SPAST: variants seen among roughly 807,000 people sequenced by gnomAD.
SPAST encodes spastin, also known as spastic paraplegia 4 (autosomal dominant; spastin).
Under a neutral mutation model 76.6 loss-of-function variants are expected in SPAST, and 30 were observed. The observed-to-expected ratio is 0.39, with a 90% CI of 0.29 to 0.53. The LOEUF is 0.53. Among genes scored for constraint, SPAST ranks in the 20% least tolerant of loss-of-function variants. SPAST has a pLI of 0.68. For missense variants in SPAST, 717 were observed against 770.5 expected (o/e 0.93, Z 0.82); for synonymous variants, 305 against 281.0 (o/e 1.09, Z -0.86).
intron 3 of SPAST, among the ~76,000 whole-genome samples, chr2:32,092,085 C>G (rs80352267): frequency 6.6e-6 from 1 of 152,124 alleles, no homozygotes; most frequent in Non-Finnish European, 1.5e-5. Flanking sequence ...TAAACACATA[C>G]ATATACATTT....
At chr2:32,125,029 A>G (rs1679144921) in intron 7 of SPAST, among the ~76,000 whole-genome samples, 1 of 152,126 alleles carries the variant, frequency 6.6e-6, no homozygotes, top group East Asian at 1.9e-4. Flanking sequence ...AATGTAAAAT[A>G]TGGACTTCAG....
chr2:32,127,911 A>T (rs529817442), intron 8 of SPAST: 5 of 155,122 alleles, frequency 3.2e-5, no homozygotes, highest in Non-Finnish European at 7.1e-5. Context: ...AGCTCTTCCT[A>T]TAACCTGTCC....
chr2:32,143,904 A>G (rs971928907), intron 14 of SPAST, among the ~76,000 whole-genome samples: 7 of 152,298 alleles, frequency 4.6e-5, no homozygotes, highest in African/African-American at 1.7e-4. Flanking sequence ...GCACACTAAC[A>G]CAGATATTTT....
intron 7 of SPAST, among the ~76,000 whole-genome samples, chr2:32,117,531 CTTTTTT>C (rs11431890): frequency 7.8e-6 from 1 of 127,574 alleles, no homozygotes; most frequent in Non-Finnish European, 1.6e-5. Context: ...TAGAATAATT[CTTTTTT>C]TTTTTTTTTT....
chr2:32,080,842 T>G (rs997877685), intron 1 of SPAST, among the ~76,000 whole-genome samples: 2 of 132,548 alleles, frequency 1.5e-5, no homozygotes, highest in Admixed American at 8.8e-5. Context: ...TTGCCCAAGC[T>G]GCAGTGCCAT....
At chr2:32,078,366 G>A (rs1677059517) in intron 1 of SPAST, among the ~76,000 whole-genome samples, 1 of 152,164 alleles carries the variant, frequency 6.6e-6, no homozygotes, top group Admixed American at 6.5e-5. Context: ...TAGAGATGGA[G>A]TTTCTGGCCA....
At chr2:32,144,648 G>T (rs768408174) in intron 14 of SPAST, among the ~76,000 whole-genome samples, 8 of 152,208 alleles carry the variant, frequency 5.3e-5, no homozygotes, top group Non-Finnish European at 1.0e-4. Context: ...TACTTTGGGA[G>T]GCTGTGGCGG....
Position 32,111,263 on chromosome 2 carries a change from CGT to C in SPAST, c.683-3374_683-3373del, listed in dbSNP as rs1558320685. 9.7e-4 allele frequency among the ~76,000 whole-genome samples: 57 copies of C among 58,942 alleles called. 8 individuals carry two copies. The highest frequency in any genetic ancestry group is 5.2e-3 in the East Asian group (6 of 1,156). 38.7% of individuals were successfully genotyped at this position (58,942 alleles called of 152,430 possible). On this transcript the variant is annotated intron_variant, in intron 4 of 16. Coordinates refer to ENST00000315285, the MANE Select transcript of SPAST (RefSeq NM_014946.4). ...ACAGTATACTATATAGTGTGTATAG[CGT>C]ATATATACAGTATACTATATAGTGT...
chr2:32,142,776 C>T (rs1679761604), intron 13 of SPAST, among the ~76,000 whole-genome samples: 1 of 152,056 alleles, frequency 6.6e-6, no homozygotes, highest in African/African-American at 2.4e-5. Context: ...TAACTGCAAA[C>T]AGGTATGAGT....
chr2:32,144,326 T>A (rs1679816638), intron 14 of SPAST, among the ~76,000 whole-genome samples: 3 of 152,236 alleles, frequency 2.0e-5, no homozygotes, highest in Admixed American at 2.0e-4. Context: ...ATTGTGTTTA[T>A]GTGTCAGTTG....
chr2:32,081,203 C>T (rs972590805), intron 1 of SPAST, among the ~76,000 whole-genome samples: 9 of 151,958 alleles, frequency 5.9e-5, no homozygotes, highest in Admixed American at 2.6e-4. Context: ...ATGATCCACC[C>T]GCCTCAGCCT....
chr2:32,075,480 C>CAAA (rs70938316), intron 1 of SPAST, among the ~76,000 whole-genome samples: 3 of 96,606 alleles, frequency 3.1e-5, no homozygotes, highest in Non-Finnish European at 5.9e-5. Context: ...ATTGTGATGA[C>CAAA]AAAAAAAAAA....
At chr2:32,113,658 T>G (rs753635126) in intron 4 of SPAST, among the ~76,000 whole-genome samples, 1 of 147,300 alleles carries the variant, frequency 6.8e-6, no homozygotes, top group Non-Finnish European at 1.5e-5. Flanking sequence ...CTCCGCCTCC[T>G]GAGTTCAAGT....
chr2:32,112,424 C>T (rs955563985), intron 4 of SPAST, among the ~76,000 whole-genome samples: 7 of 148,406 alleles, frequency 4.7e-5, no homozygotes, highest in South Asian at 4.3e-4. Flanking sequence ...CTTGGCTCAC[C>T]GCAATCTCTG....
chr2:32,068,543 C>G (rs544105516), intron 1 of SPAST, among the ~76,000 whole-genome samples: 1 of 151,968 alleles, frequency 6.6e-6, no homozygotes, highest in Non-Finnish European at 1.5e-5. Context: ...AGGCTGTTCT[C>G]GAACTCCTGG....
At chr2:32,151,374 G>A (rs553041416) in intron 16 of SPAST, among the ~76,000 whole-genome samples, 31 of 152,194 alleles carry the variant, frequency 2.0e-4, no homozygotes, top group South Asian at 4.2e-4. Context: ...TAGCTGGCAC[G>A]TAGTAAACAC....
chr2:32,064,288 A>T (rs558632992), intron 1 of SPAST, 42 bp downstream of exon 1: 2 of 1,073,328 alleles, frequency 1.9e-6, no homozygotes, highest in African/African-American at 1.6e-5. Flanking sequence ...CGCCGGGAAG[A>T]AGGCGGTGGG....
intron 1 of SPAST, among the ~76,000 whole-genome samples, chr2:32,082,651 G>T (rs757812895): frequency 1.3e-5 from 2 of 151,732 alleles, no homozygotes; most frequent in Admixed American, 1.3e-4. Flanking sequence ...AGCTGAGATC[G>T]TGCCATTGTA....
At chr2:32,084,488 C>G (rs1326541557) in intron 1 of SPAST, among the ~76,000 whole-genome samples, 2 of 151,946 alleles carry the variant, frequency 1.3e-5, no homozygotes, top group African/African-American at 2.4e-5. Flanking sequence ...AAGCATATAT[C>G]TTAAAGAAAC....
Sources: gnomAD v4.1 joint callset for allele counts (sites outside exome capture counted in the v4.1 genomes callset) on GRCh38, gnomAD v4.1.1 for gene constraint, MANE v1.5 for transcripts, NCBI Gene and HGNC (gene_info 2026-07-23, HGNC 2026-07-21) for gene names.